The following ZNF618 variants were observed in gnomAD, a reference collection of about 807,000 sequenced individuals.
ZNF618 encodes the protein zinc finger protein 618.
In ZNF618, 34 loss-of-function variants were observed where a neutral mutation model predicts 103.0. The ratio of observed to expected loss-of-function variants is 0.33; its 90% CI spans 0.25 to 0.44. The LOEUF (loss-of-function observed/expected upper bound fraction) is 0.44, where lower values mean the gene tolerates loss of function less well. Among genes scored for constraint, ZNF618 ranks in the 20% least tolerant of loss-of-function variants. The probability of loss-of-function intolerance (pLI) is 1.00; values close to 1 mark genes in which losing one functional copy is unlikely to be tolerated. For missense variants in ZNF618, 1,059 were observed against 1,295.4 expected (o/e 0.82, Z 2.80); for synonymous variants, 551 against 542.2 (o/e 1.02, Z -0.23).
intron 1 of ZNF618, among the ~76,000 whole-genome samples, chr9:113,937,540 C>G (rs148045649): frequency 5.3e-5 from 8 of 152,344 alleles, no homozygotes; most frequent in African/African-American, 1.7e-4. Flanking sequence ...TTCGTCTCTT[C>G]CAATTTAGGA....
intron 1 of ZNF618, among the ~76,000 whole-genome samples, chr9:113,950,732 C>T (rs1428812267): frequency 6.6e-6 from 1 of 152,106 alleles, no homozygotes; most frequent in Non-Finnish European, 1.5e-5. Flanking sequence ...GAGTAGACAT[C>T]AGAGGGGCTC....
chr9:113,970,096 C>T (rs1471684643), intron 2 of ZNF618, among the ~76,000 whole-genome samples: 1 of 151,974 alleles, frequency 6.6e-6, no homozygotes, highest in Non-Finnish European at 1.5e-5. Flanking sequence ...GTGGGTTAAA[C>T]AAAATTAAAA....
intron 1 of ZNF618, among the ~76,000 whole-genome samples, chr9:113,904,791 T>C (rs1830840700): frequency 6.6e-6 from 1 of 152,202 alleles, no homozygotes; most frequent in Non-Finnish European, 1.5e-5. Flanking sequence ...TCTTCAAAGC[T>C]AGCAACATTG....
intron 1 of ZNF618, among the ~76,000 whole-genome samples, chr9:113,922,454 C>T (rs1206142286): frequency 5.4e-5 from 8 of 147,030 alleles, no homozygotes; most frequent in Non-Finnish European, 3.0e-5. Flanking sequence ...AGGGGCAGGC[C>T]GGAGAGGGTT....
chr9:113,944,215 C>G (rs1049667302), intron 1 of ZNF618, among the ~76,000 whole-genome samples: 2 of 152,124 alleles, frequency 1.3e-5, no homozygotes, highest in Admixed American at 1.3e-4. Flanking sequence ...GCTTTTCTGC[C>G]ACACTAGTCA....
Position 113,966,261 on chromosome 9 carries a change from G to GA in ZNF618, c.34-2853dup, listed in dbSNP as rs565263057. Among the ~76,000 whole-genome samples, 44 of 152,302 alleles carry GA rather than the reference G, an allele frequency of 2.9e-4. No individual in the cohort carries two copies. In the East Asian group the frequency reaches 4.2e-3, roughly 15 times the overall value. Reference sequence around the variant, plus strand: ...AGCATCTTGCCATTTTGCAGAGGGAGAAATCGAGGCCTTGGAAATACGTGT... The same window carrying GA: ...AGCATCTTGCCATTTTGCAGAGGGAGAAAATCGAGGCCTTGGAAATACGTGT... On this transcript the variant is annotated intron_variant, in intron 1 of 14. Coordinates refer to ENST00000374126, the MANE Select transcript of ZNF618 (RefSeq NM_001318042.2).
Position 114,049,066 on chromosome 9 carries a change from T to C in ZNF618, c.1764T>C (p.Ile588=). 6.2e-7 allele frequency: 1 copy of C among 1,613,888 alleles called. No homozygotes were observed. The highest frequency in any genetic ancestry group is 1.6e-4 in the Middle Eastern group (1 of 6,062). ...TGCTTGGTGTGAAGGGTGCGGACAT[T>C]CGCGACAGCGGTGACCTTGTGCACC... The part of the protein sequence containing the change: ...SYVLGVKGAD[I]RDSGDLVHHW... Residue 588 remains isoleucine (I), a synonymous_variant, in exon 15 of 15, where the codon ATT becomes ATC. Transcript: ENST00000374126.
intron 1 of ZNF618, among the ~76,000 whole-genome samples, chr9:113,962,185 A>T (rs1836906252): frequency 6.6e-6 from 1 of 151,312 alleles, no homozygotes; most frequent in Non-Finnish European, 1.5e-5. Flanking sequence ...GAGAGATGCA[A>T]CTCCATTTTT....
intron 2 of ZNF618, among the ~76,000 whole-genome samples, chr9:113,970,583 A>G (rs1837862657): frequency 6.6e-6 from 1 of 152,010 alleles, no homozygotes; most frequent in Admixed American, 6.6e-5. Context: ...CCCCTAGTCT[A>G]AACTGACCCC....
In ZNF618 at chr9:114,008,398, C is replaced by T. The variant is rs1350631914; in HGVS notation, c.676+19C>T. On this transcript the variant is annotated intron_variant, in intron 8 of 14. Coordinates refer to ENST00000374126, the MANE Select transcript of ZNF618 (RefSeq NM_001318042.2). The stretch of plus-strand genomic sequence containing the variant: ...CGGGCAGGTAAGTCCTTGGTGTCTG[C>T]TTGTCACCTCCCCTGTCCCCGGCTG... 6.2e-7 allele frequency: 1 copy of T among 1,613,914 alleles called. No homozygotes were observed. Among genetic ancestry groups the T allele is most frequent in the Non-Finnish European group, 8.5e-7 (1 of 1,179,890 alleles).
At chr9:113,998,462 T>C (rs1840850328) in intron 4 of ZNF618, 108 bp downstream of exon 4, 1 of 1,020,432 alleles carries the variant, frequency 9.8e-7, no homozygotes. Flanking sequence ...CCTGTTAGCA[T>C]CTCAGGGTCA....
intron 13 of ZNF618, among the ~76,000 whole-genome samples, chr9:114,044,325 T>C (rs1845473283): frequency 6.6e-6 from 1 of 152,188 alleles, no homozygotes; most frequent in African/African-American, 2.4e-5. Flanking sequence ...TTTATGTTTT[T>C]GTTTGCTTTG....
At chr9:113,965,774 C>T (rs1267086698) in intron 1 of ZNF618, among the ~76,000 whole-genome samples, 1 of 152,184 alleles carries the variant, frequency 6.6e-6, no homozygotes, top group African/African-American at 2.4e-5. Flanking sequence ...AAGGAGCACA[C>T]AGTCCAGTGG....
intron 2 of ZNF618, among the ~76,000 whole-genome samples, chr9:113,971,308 G>A (rs544296775): frequency 2.0e-5 from 3 of 152,176 alleles, no homozygotes; most frequent in Middle Eastern, 6.8e-3. Context: ...CTGCTTAGGG[G>A]CGTATAATGA....
At chr9:114,011,252 T>C (rs1463174270) in intron 9 of ZNF618, among the ~76,000 whole-genome samples, 1 of 152,246 alleles carries the variant, frequency 6.6e-6, no homozygotes. Context: ...TGAGATTATA[T>C]TTGTAAAAGA....
chr9:113,977,573 A>G (rs1028230276), intron 2 of ZNF618, among the ~76,000 whole-genome samples: 1 of 152,074 alleles, frequency 6.6e-6, no homozygotes, highest in African/African-American at 2.4e-5. Context: ...TCTACTCCAT[A>G]CCTGTCTGTT....
intron 1 of ZNF618, among the ~76,000 whole-genome samples, chr9:113,951,501 A>ACACATATGTGTGAGTG (rs1456303079): frequency 6.8e-4 from 48 of 70,794 alleles, no homozygotes; most frequent in Non-Finnish European, 7.0e-4. Flanking sequence ...GTGTATGTGT[A>ACACATATGTGTGAGTG]CACATATATG....
chr9:113,992,749 A>T (rs1840194341), intron 3 of ZNF618, among the ~76,000 whole-genome samples: 1 of 152,264 alleles, frequency 6.6e-6, no homozygotes, highest in African/African-American at 2.4e-5. Flanking sequence ...CCAGTGACAC[A>T]AACATCATCC....
At chr9:113,934,930 G>T (rs1238838316) in intron 1 of ZNF618, among the ~76,000 whole-genome samples, 1 of 152,206 alleles carries the variant, frequency 6.6e-6, no homozygotes, top group African/African-American at 2.4e-5. Flanking sequence ...CTCCATGAAG[G>T]AGCCGTGCAG....
Sources: gnomAD v4.1 joint callset for allele counts (sites outside exome capture counted in the v4.1 genomes callset) on GRCh38, gnomAD v4.1.1 for gene constraint, MANE v1.5 for transcripts, NCBI Gene and HGNC (gene_info 2026-07-23, HGNC 2026-07-21) for gene names.